The following AKAP13 variants were observed in gnomAD, a reference collection of about 807,000 sequenced individuals.
AKAP13 encodes A-kinase anchoring protein 13, also known as A-kinase anchor protein 13.
In AKAP13, 80 loss-of-function variants were observed where a neutral mutation model predicts 264.5. The observed-to-expected ratio is 0.30, with a 90% CI of 0.25 to 0.36. AKAP13 has a LOEUF of 0.36. Ranked by LOEUF, AKAP13 falls within the 10% of genes least tolerant of loss-of-function variation. The probability of loss-of-function intolerance (pLI) is 1.00; values close to 1 mark genes in which losing one functional copy is unlikely to be tolerated. For synonymous variants in AKAP13, 1,380 were observed against 1,250.2 expected (o/e 1.10, Z -2.19); for missense variants, 3,712 against 3,435.2 (o/e 1.08, Z -2.01).
chr15:85,712,786 TGTC>T (rs2086702597), intron 19 of AKAP13, among the ~76,000 whole-genome samples: 1 of 152,178 alleles, frequency 6.6e-6, no homozygotes, highest in Non-Finnish European at 1.5e-5. Context: ...TCAAGGCATC[TGTC>T]TGTCTTGGCC....
At chr15:85,737,768 G>C (rs1452899592) in intron 33 of AKAP13, among the ~76,000 whole-genome samples, 2 of 152,098 alleles carry the variant, frequency 1.3e-5, no homozygotes, top group South Asian at 4.1e-4. Flanking sequence ...CTCCAGAGTA[G>C]CTGGGACTAC....
chr15:85,442,537 ATATT>A lies in AKAP13; in HGVS notation c.-11-43172_-11-43169del, dbSNP rs1360708879. Among the ~76,000 whole-genome samples the A allele has an allele frequency of 8.5e-5, 11 of 129,136 alleles. No individual in the cohort carries two copies. In the East Asian group the frequency reaches 2.3e-3, roughly 27 times the overall value. The allele number at this position is 129,136 out of a possible 152,430, so 84.7% of individuals were successfully genotyped here. ...ATATATATTATATTATATATAATAT[ATATT>A]ATATATATATTTATTTCTAGCATGA... On this transcript the variant is annotated intron_variant, in intron 1 of 36. Coordinates refer to ENST00000394518, the MANE Select transcript of AKAP13 (RefSeq NM_007200.5).
intron 8 of AKAP13, among the ~76,000 whole-genome samples, chr15:85,609,588 T>C (rs2080509634): frequency 6.6e-6 from 1 of 152,252 alleles, no homozygotes; most frequent in Non-Finnish European, 1.5e-5. Context: ...GAGTGAATAC[T>C]GATTTCCTGT....
At chr15:85,393,939 G>T (rs1014512650) in intron 1 of AKAP13, among the ~76,000 whole-genome samples, 12 of 152,154 alleles carry the variant, frequency 7.9e-5, no homozygotes, top group Admixed American at 3.3e-4. Flanking sequence ...TTAAAAACAT[G>T]CTAGGCTTCC....
At chr15:85,539,426 G>A (rs916123556) in intron 4 of AKAP13, among the ~76,000 whole-genome samples, 1 of 152,140 alleles carries the variant, frequency 6.6e-6, no homozygotes, top group African/African-American at 2.4e-5. Flanking sequence ...TTTTTTAAGA[G>A]GTAGTCCAGA....
intron 8 of AKAP13, among the ~76,000 whole-genome samples, chr15:85,633,839 C>CG (rs1209947142): frequency 5.3e-5 from 8 of 151,724 alleles, no homozygotes; most frequent in Admixed American, 5.3e-4. Flanking sequence ...CCACTGCACC[C>CG]GGCCTTTTTT....
At chr15:85,666,200 T>C (rs572278353) in intron 13 of AKAP13, among the ~76,000 whole-genome samples, 41 of 152,356 alleles carry the variant, frequency 2.7e-4, no homozygotes, top group African/African-American at 9.1e-4. Context: ...GTTTGCTGAC[T>C]TTTTAATGAT....
At chr15:85,616,216 A>G (rs1047303722) in intron 8 of AKAP13, among the ~76,000 whole-genome samples, 1 of 152,356 alleles carries the variant, frequency 6.6e-6, no homozygotes, top group Non-Finnish European at 1.5e-5. Context: ...GTCCTAATTC[A>G]GAAACTTTGC....
Position 85,718,975 on chromosome 15 carries a change from A to C in AKAP13, c.6002-101A>C. 6.6e-7 allele frequency: 1 copy of C among 1,510,500 alleles called. No homozygotes were observed. Among genetic ancestry groups the C allele is most frequent in the Non-Finnish European group, 8.9e-7 (1 of 1,124,140 alleles). 93.6% of individuals were successfully genotyped at this position (1,510,500 alleles called of 1,614,324 possible). A position where few individuals can be genotyped will look rare whatever the true frequency, so the allele number is the denominator to read the frequency against. On this transcript the variant is annotated intron_variant, in intron 22 of 36. Transcript: ENST00000394518. The surrounding 1 kb of genome is among the most constrained non-coding windows in gnomAD (Gnocchi z 4.9). ...GCTGTTGACCCAATTTTAAGGTTCA[A>C]ATTGGGCTCTAAACTAGCTTTGGGA... is the stretch of plus-strand genomic sequence containing the variant.
chr15:85,393,499 A>T (rs775365306), intron 1 of AKAP13, among the ~76,000 whole-genome samples: 1 of 152,254 alleles, frequency 6.6e-6, no homozygotes, highest in Non-Finnish European at 1.5e-5. Context: ...TTTAGAGCAT[A>T]GAATAGTGTG....
intron 1 of AKAP13, among the ~76,000 whole-genome samples, chr15:85,394,724 G>C (rs547435526): frequency 6.6e-6 from 1 of 152,326 alleles, no homozygotes; most frequent in South Asian, 2.1e-4. Flanking sequence ...ATAATTGACT[G>C]TGTGACCTTG....
chr15:85,459,619 C>G (rs1181202467), intron 1 of AKAP13, among the ~76,000 whole-genome samples: 2 of 152,084 alleles, frequency 1.3e-5, no homozygotes, highest in African/African-American at 2.4e-5. Flanking sequence ...GCTGCCTCAG[C>G]CTCCTGAGTA....
chr15:85,601,244 C>T (rs2080054046), intron 8 of AKAP13, among the ~76,000 whole-genome samples: 1 of 152,150 alleles, frequency 6.6e-6, no homozygotes. Flanking sequence ...CTTATTCAGC[C>T]ATATAGTCCC....
Position 85,680,671 on chromosome 15 carries a change from C to T in AKAP13, c.5102-1487C>T, listed in dbSNP as rs368854931. On this transcript the variant is annotated intron_variant, in intron 14 of 36. Coordinates refer to ENST00000394518, the MANE Select transcript of AKAP13 (RefSeq NM_007200.5). ...CCTGAGCCCAGGGGTTCAAGACCAG[C>T]CTGGGCAACATGGCGAGTCCCTGTT... Among the ~76,000 whole-genome samples the T allele has an allele frequency of 1.9e-4, 29 of 152,192 alleles. No individual in the cohort carries two copies. In the East Asian group the frequency reaches 5.0e-3, roughly 26 times the overall value.
intron 11 of AKAP13, among the ~76,000 whole-genome samples, chr15:85,656,451 C>CTTT (rs950140070): frequency 1.9e-4 from 28 of 149,384 alleles, no homozygotes; most frequent in Non-Finnish European, 3.4e-4. Flanking sequence ...AATTTGACTT[C>CTTT]TTTTTTTTTT....
intron 26 of AKAP13, among the ~76,000 whole-genome samples, chr15:85,723,966 T>G (rs545209109): frequency 1.3e-5 from 2 of 152,226 alleles, no homozygotes; most frequent in Non-Finnish European, 2.9e-5. Flanking sequence ...GGCTTGTTTT[T>G]TAATTTATGT....
intron 2 of AKAP13, among the ~76,000 whole-genome samples, chr15:85,520,069 CT>C (rs1299391749): frequency 6.6e-6 from 1 of 151,818 alleles, no homozygotes; most frequent in Non-Finnish European, 1.5e-5. Flanking sequence ...GCTTTGTAAT[CT>C]TTTGTTATGG....
rs11332236 is a variant in AKAP13 at position 85,657,710 on chromosome 15, C to CTTTTT, written c.4746-812_4746-808dup. On this transcript the variant is annotated intron_variant, in intron 11 of 36. Transcript: ENST00000394518. ...TTCCCAGTTTTGCTCGTGGTGTACT[C>CTTTTT]TTTTTTTTTTTTTTTTTTTAAGCAT... Among the ~76,000 whole-genome samples, 2 of 127,550 alleles carry CTTTTT rather than the reference C, an allele frequency of 1.6e-5. 1 individual carries two copies. The allele number at this position is 127,550 out of a possible 152,430, so 83.7% of individuals were successfully genotyped here.
At chr15:85,410,171 C>T (rs1263373294) in intron 1 of AKAP13, among the ~76,000 whole-genome samples, 1 of 150,990 alleles carries the variant, frequency 6.6e-6, no homozygotes, top group Non-Finnish European at 1.5e-5. Flanking sequence ...TTTTCATGGC[C>T]CTCAGGTGTG....
Sources: gnomAD v4.1 joint callset for allele counts (sites outside exome capture counted in the v4.1 genomes callset) on GRCh38, gnomAD v4.1.1 for gene constraint, Gnocchi (gnomAD v3.1) non-coding constraint, MANE v1.5 for transcripts, NCBI Gene and HGNC (gene_info 2026-07-23, HGNC 2026-07-21) for gene names.